Variants in RGS7BP observed in about 807,000 individuals in gnomAD.
The protein encoded by RGS7BP is regulator of G protein signaling 7-binding protein.
Under a neutral mutation model 31.3 loss-of-function variants are expected in RGS7BP, and 9 were observed. The ratio of observed to expected loss-of-function variants is 0.29; its 90% CI spans 0.17 to 0.50. RGS7BP has a LOEUF of 0.50. Among genes scored for constraint, RGS7BP ranks in the 20% least tolerant of loss-of-function variants. RGS7BP has a pLI of 0.98. For missense variants in RGS7BP, 274 were observed against 322.0 expected (o/e 0.85, Z 1.14); for synonymous variants, 115 against 120.1 (o/e 0.96, Z 0.28).
intron 3 of RGS7BP, among the ~76,000 whole-genome samples, chr5:64,593,775 G>A (rs765351394): frequency 6.6e-6 from 1 of 152,142 alleles, no homozygotes; most frequent in Non-Finnish European, 1.5e-5. Context: ...GTAAATGAGT[G>A]AATGAATGAG....
chr5:64,538,524 TTTTC>T (rs1291083097), intron 2 of RGS7BP, among the ~76,000 whole-genome samples: 3 of 117,854 alleles, frequency 2.5e-5, no homozygotes, highest in Admixed American at 8.9e-5. Context: ...TTTCCTTTTC[TTTTC>T]TTTTTTTTTT....
At chr5:64,555,799 G>T (rs142645953) in intron 2 of RGS7BP, among the ~76,000 whole-genome samples, 12 of 152,144 alleles carry the variant, frequency 7.9e-5, no homozygotes, top group Non-Finnish European at 1.6e-4. Flanking sequence ...ATTCAGTTCT[G>T]GTAATTCTGT....
At position 64,571,987 on chromosome 5, in the gene RGS7BP, G is replaced by A. The variant is rs187513881; in HGVS notation, c.333-3787G>A. Among the ~76,000 whole-genome samples the A allele has an allele frequency of 9.2e-5, 14 of 152,110 alleles. No individual in the cohort carries two copies. In the East Asian group the frequency reaches 1.4e-3, roughly 15 times the overall value. On this transcript the variant is annotated intron_variant, in intron 2 of 5. Transcript: ENST00000334025. The stretch of plus-strand genomic sequence containing the variant: ...AAAAATAAATAATCACAATCTAGTC[G>A]CTAACTCATAAAACATATTTGACTG...
chr5:64,516,681 G>T (rs970365316), intron 2 of RGS7BP, among the ~76,000 whole-genome samples: 1 of 152,186 alleles, frequency 6.6e-6, no homozygotes, highest in African/African-American at 2.4e-5. Context: ...AACCTCTGGG[G>T]AGGTAAGGAT....
At position 64,598,444 on chromosome 5, in the gene RGS7BP, T is replaced by A; in HGVS notation, c.682+9T>A. On this transcript the variant is annotated intron_variant, in intron 5 of 5. Transcript: ENST00000334025. ...ACCATTGAAAAATCAAGGTGAGTCT[T>A]GTCACTTCTCTTTGAGGCAGAGGAT... 6.4e-7 allele frequency: 1 copy of A among 1,566,170 alleles called. No homozygotes were observed. Among genetic ancestry groups the A allele is most frequent in the Non-Finnish European group, 8.8e-7 (1 of 1,136,482 alleles).
chr5:64,579,060 G>A (rs184999579), intron 3 of RGS7BP, among the ~76,000 whole-genome samples: 2 of 152,212 alleles, frequency 1.3e-5, no homozygotes, highest in Admixed American at 1.3e-4. Context: ...TTGGAAGTAT[G>A]CATGTACCCT....
intron 5 of RGS7BP, among the ~76,000 whole-genome samples, chr5:64,606,177 A>C (rs1457372679): frequency 6.6e-6 from 1 of 151,748 alleles, no homozygotes; most frequent in Admixed American, 6.6e-5. Context: ...CCTTGAAACA[A>C]ATTTCATAAT....
At chr5:64,584,998 G>C (rs1742704786) in intron 3 of RGS7BP, among the ~76,000 whole-genome samples, 1 of 152,158 alleles carries the variant, frequency 6.6e-6, no homozygotes, top group South Asian at 2.1e-4. Context: ...TACTTCCCCA[G>C]TCCTTTTCAC....
intron 2 of RGS7BP, among the ~76,000 whole-genome samples, chr5:64,534,959 G>A (rs1749467726): frequency 6.6e-6 from 1 of 152,162 alleles, no homozygotes; most frequent in Admixed American, 6.5e-5. Context: ...GACTGAGTAG[G>A]GGCCAGGGAT....
Position 64,506,883 on chromosome 5 carries a change from TC to T in RGS7BP, c.165+99del. The stretch of plus-strand genomic sequence containing the variant: ...AATCATTTGCCTGAGTGCCAGCCAC[TC>T]CCCCACCCTCAGCTCCTCAATGCCG... On this transcript the variant is annotated intron_variant, in intron 1 of 5. Transcript: ENST00000334025. The surrounding 1 kb of genome is among the most constrained non-coding windows in gnomAD (Gnocchi z 4.6). 1 of 1,179,148 alleles carries T rather than the reference TC, an allele frequency of 8.5e-7. No individual in the cohort carries two copies. Among genetic ancestry groups the T allele is most frequent in the Non-Finnish European group, 1.2e-6 (1 of 846,398 alleles). 73.0% of individuals were successfully genotyped at this position (1,179,148 alleles called of 1,614,324 possible). A position where few individuals can be genotyped will look rare whatever the true frequency, so the allele number is the denominator to read the frequency against.
chr5:64,581,879 GTT>G (rs1386372418), intron 3 of RGS7BP, among the ~76,000 whole-genome samples: 2 of 152,084 alleles, frequency 1.3e-5, no homozygotes, highest in African/African-American at 4.8e-5. Context: ...TTACTAAAGT[GTT>G]TTTCTTTTTT....
At chr5:64,553,416 C>T (rs971592139) in intron 2 of RGS7BP, among the ~76,000 whole-genome samples, 1 of 152,108 alleles carries the variant, frequency 6.6e-6, no homozygotes, top group Non-Finnish European at 1.5e-5. Flanking sequence ...AGGTGATCCA[C>T]CTGCCTCGGT....
chr5:64,527,212 C>G (rs926301780), intron 2 of RGS7BP, among the ~76,000 whole-genome samples: 1 of 152,180 alleles, frequency 6.6e-6, no homozygotes, highest in Non-Finnish European at 1.5e-5. Context: ...TCTGTGAAGT[C>G]TTGATTCCAG....
intron 4 of RGS7BP, among the ~76,000 whole-genome samples, chr5:64,596,933 T>C (rs1162513452): frequency 6.6e-6 from 1 of 152,170 alleles, no homozygotes; most frequent in Non-Finnish European, 1.5e-5. Context: ...TAAAATTAAA[T>C]GGTGACTGTC....
chr5:64,566,930 T>G (rs921395750), intron 2 of RGS7BP, among the ~76,000 whole-genome samples: 3 of 151,878 alleles, frequency 2.0e-5, no homozygotes, highest in African/African-American at 7.3e-5. Context: ...TCTGTCACCC[T>G]GTGGCCCATC....
Position 64,586,394 on chromosome 5 carries a change from C to T in RGS7BP, c.464-8316C>T, listed in dbSNP as rs115766093. Among the ~76,000 whole-genome samples the T allele has an allele frequency of 3.4e-3, 511 of 152,260 alleles. 4 individuals carry two copies. Among genetic ancestry groups the T allele is most frequent in the African/African-American group, 0.012 (496 of 41,568 alleles). On this transcript the variant is annotated intron_variant, in intron 3 of 5. Transcript: ENST00000334025. Reference sequence around the variant, plus strand: ...GGAACATCAACTTGCAAGTTCCTTCCAGTTTTTTCCTCTGCCTTGGACATA... The same window carrying T: ...GGAACATCAACTTGCAAGTTCCTTCTAGTTTTTTCCTCTGCCTTGGACATA...
chr5:64,561,988 G>C (rs529425648), intron 2 of RGS7BP, among the ~76,000 whole-genome samples: 1 of 152,138 alleles, frequency 6.6e-6, no homozygotes, highest in African/African-American at 2.4e-5. Flanking sequence ...CTCCACGGTG[G>C]AGCCATTTAG....
At chr5:64,597,445 T>G (rs1743102050) in intron 4 of RGS7BP, among the ~76,000 whole-genome samples, 1 of 152,000 alleles carries the variant, frequency 6.6e-6, no homozygotes, top group South Asian at 2.1e-4. Context: ...ACTGCGCCCC[T>G]TTCTGTTTCA....
chr5:64,595,694 A>G (rs1006354369), intron 4 of RGS7BP, among the ~76,000 whole-genome samples: 1 of 152,208 alleles, frequency 6.6e-6, no homozygotes, highest in African/African-American at 2.4e-5. Context: ...CAGCTGAATG[A>G]ATACTGGGCA....
Sources: allele counts gnomAD v4.1 joint callset (sites outside exome capture counted in the v4.1 genomes callset), GRCh38; gene constraint gnomAD v4.1.1; non-coding constraint Gnocchi (gnomAD v3.1); transcripts MANE v1.5; gene names NCBI Gene and HGNC (gene_info 2026-07-23, HGNC 2026-07-21).